MYO3B: variants seen among roughly 807,000 people sequenced by gnomAD.
MYO3B encodes the protein myosin-IIIb.
Under a neutral mutation model 174.6 loss-of-function variants are expected in MYO3B, and 156 were observed. That is an observed-to-expected ratio of 0.89 (90% CI 0.78 to 1.02). The LOEUF is 1.02. MYO3B is among the 50% of genes least tolerant of loss of function. MYO3B has a pLI of 0.00. For synonymous variants in MYO3B, 563 were observed against 569.1 expected (o/e 0.99, Z 0.15); for missense variants, 1,632 against 1,639.4 (o/e 1.00, Z 0.08).
intron 1 of MYO3B, among the ~76,000 whole-genome samples, chr2:170,185,078 A>G (rs1028598416): frequency 2.0e-5 from 3 of 152,056 alleles, no homozygotes; most frequent in Non-Finnish European, 4.4e-5. Context: ...ATTATTAATA[A>G]CTTGTCAGAT....
At chr2:170,476,424 A>G (rs981590873) in intron 25 of MYO3B, among the ~76,000 whole-genome samples, 12 of 152,142 alleles carry the variant, frequency 7.9e-5, no homozygotes, top group African/African-American at 2.9e-4. Context: ...CAGGTCATAC[A>G]TGGGCTTGAA....
intron 32 of MYO3B, among the ~76,000 whole-genome samples, chr2:170,559,584 A>G (rs902422026): frequency 2.0e-5 from 3 of 152,238 alleles, no homozygotes; most frequent in African/African-American, 7.2e-5. Context: ...TTTTTTAAAA[A>G]GAACAGATAT....
At chr2:170,363,436 G>A (rs2094176192) in intron 8 of MYO3B, among the ~76,000 whole-genome samples, 1 of 152,090 alleles carries the variant, frequency 6.6e-6, no homozygotes, top group Non-Finnish European at 1.5e-5. Flanking sequence ...GTTATGAAAT[G>A]GCAGTTTACA....
intron 6 of MYO3B, among the ~76,000 whole-genome samples, chr2:170,230,367 G>T (rs1462081225): frequency 1.4e-4 from 2 of 14,470 alleles, no homozygotes; most frequent in African/African-American, 3.7e-4. Context: ...TTTTTTAGTA[G>T]AGACGGGGTT....
intron 32 of MYO3B, among the ~76,000 whole-genome samples, chr2:170,575,993 C>G (rs989181927): frequency 5.3e-5 from 8 of 152,110 alleles, no homozygotes; most frequent in Admixed American, 5.2e-4. Flanking sequence ...AAAACTTAAA[C>G]AGCTTACCCA....
intron 7 of MYO3B, among the ~76,000 whole-genome samples, chr2:170,285,089 C>T (rs1467419610): frequency 6.6e-6 from 1 of 152,172 alleles, no homozygotes. Flanking sequence ...TGGACTATAT[C>T]ATACTTTATC....
intron 1 of MYO3B, among the ~76,000 whole-genome samples, chr2:170,188,549 T>C (rs578201905): frequency 1.3e-5 from 2 of 152,312 alleles, no homozygotes; most frequent in South Asian, 4.1e-4. Context: ...CTTCTTTCTT[T>C]CCTTTTTTTC....
At chr2:170,609,621 G>A (rs1695016958) in intron 32 of MYO3B, among the ~76,000 whole-genome samples, 1 of 152,172 alleles carries the variant, frequency 6.6e-6, no homozygotes, top group African/African-American at 2.4e-5. Flanking sequence ...AATTTATTGG[G>A]GTCCAATGAT....
At chr2:170,254,343 C>T (rs1056493294) in intron 7 of MYO3B, among the ~76,000 whole-genome samples, 4 of 152,148 alleles carry the variant, frequency 2.6e-5, no homozygotes, top group Non-Finnish European at 5.9e-5. Flanking sequence ...GACGCCCACC[C>T]GCAAAGGCTC....
intron 7 of MYO3B, among the ~76,000 whole-genome samples, chr2:170,252,092 A>G (rs556861498): frequency 7.9e-5 from 12 of 152,324 alleles, no homozygotes; most frequent in African/African-American, 2.6e-4. Flanking sequence ...AATGACTTCA[A>G]AGGAACAAAT....
chr2:170,262,136 G>A (rs553114278), intron 7 of MYO3B, among the ~76,000 whole-genome samples: 38 of 152,188 alleles, frequency 2.5e-4, no homozygotes, highest in Non-Finnish European at 4.9e-4. Flanking sequence ...TTTGACCAAG[G>A]AGATCCAGGG....
chr2:170,552,494 G>C (rs1341778007), intron 32 of MYO3B, among the ~76,000 whole-genome samples: 1 of 152,182 alleles, frequency 6.6e-6, no homozygotes, highest in African/African-American at 2.4e-5. Context: ...TCTGGTAGAA[G>C]AAATTTCTAA....
chr2:170,390,050 AT>A (rs1267596225), intron 14 of MYO3B, among the ~76,000 whole-genome samples: 3 of 152,170 alleles, frequency 2.0e-5, no homozygotes, highest in Non-Finnish European at 4.4e-5. Flanking sequence ...GGCAATTAAT[AT>A]GTTTATTCAT....
At chr2:170,300,128 G>T (rs1292180523) in intron 7 of MYO3B, among the ~76,000 whole-genome samples, 1 of 152,198 alleles carries the variant, frequency 6.6e-6, no homozygotes, top group African/African-American at 2.4e-5. Context: ...CAGTATTCTG[G>T]CTTTCTTCTT....
At chr2:170,556,965 T>TC (rs1691351397) in intron 32 of MYO3B, among the ~76,000 whole-genome samples, 1 of 152,230 alleles carries the variant, frequency 6.6e-6, no homozygotes, top group South Asian at 2.1e-4. Flanking sequence ...TGGTGAGGTA[T>TC]CTATTCAGAT....
chr2:170,598,879 C>G (rs745924347), intron 32 of MYO3B, among the ~76,000 whole-genome samples: 5 of 152,146 alleles, frequency 3.3e-5, no homozygotes, highest in African/African-American at 4.8e-5. Flanking sequence ...AATCTAGTAC[C>G]TCGTAAGCTA....
Position 170,392,376 on chromosome 2 carries a change from T to C in MYO3B, c.1677-5T>C. On this transcript the variant is annotated splice_polypyrimidine_tract_variant and splice_region_variant and intron_variant, in intron 15 of 34. Transcript: ENST00000408978. ...TTCTGTTTGGTCATGCTCCACTTCA[T>C]TTAGGTACATAGCTGATGAAACTGG... 1 of 1,579,012 alleles carries C rather than the reference T, an allele frequency of 6.3e-7. No individual in the cohort carries two copies. Among genetic ancestry groups the C allele is most frequent in the South Asian group, 1.2e-5 (1 of 86,130 alleles).
intron 25 of MYO3B, among the ~76,000 whole-genome samples, chr2:170,477,037 CT>C (rs1685359741): frequency 1.3e-5 from 2 of 152,118 alleles, no homozygotes; most frequent in African/African-American, 4.8e-5. Context: ...CTTCCTTAGA[CT>C]TTTGGGGGTA....
intron 22 of MYO3B, among the ~76,000 whole-genome samples, chr2:170,419,006 A>G (rs1044419091): frequency 6.6e-6 from 1 of 152,216 alleles, no homozygotes; most frequent in African/African-American, 2.4e-5. Flanking sequence ...CAGCCCCACC[A>G]TTGTCTGAGG....
Sources: gnomAD v4.1 joint callset for allele counts (sites outside exome capture counted in the v4.1 genomes callset) on GRCh38, gnomAD v4.1.1 for gene constraint, MANE v1.5 for transcripts, NCBI Gene and HGNC (gene_info 2026-07-23, HGNC 2026-07-21) for gene names.